The following ITPR2 variants were observed in gnomAD, a reference collection of about 807,000 sequenced individuals.
The protein encoded by ITPR2 is inositol 1,4,5-trisphosphate receptor type 2.
Under a neutral mutation model 317.1 loss-of-function variants are expected in ITPR2, and 207 were observed. That is an observed-to-expected ratio of 0.65 (90% confidence interval 0.58 to 0.73). ITPR2 has a LOEUF of 0.73. Ranked by LOEUF, ITPR2 falls within the 30% of genes least tolerant of loss-of-function variation. The pLI is 0.00. For synonymous variants in ITPR2, 1,156 were observed against 1,149.1 expected (o/e 1.01, Z -0.12); for missense variants, 2,613 against 3,284.0 (o/e 0.80, Z 4.99).
chr12:26,832,543 G>A lies in ITPR2; in HGVS notation c.92+147C>T, dbSNP rs563013289. On this transcript the variant is annotated intron_variant, in intron 1 of 56. Coordinates refer to ENST00000381340, the MANE Select transcript of ITPR2 (RefSeq NM_002223.4). ...CTGCGAGCGGGCGAGCGAGAGAGCG[G>A]AGCGCACGGCGCTGTCCGCGGGCGC... 2,324 of 523,730 alleles carry A rather than the reference G, an allele frequency of 4.4e-3. 18 individuals carry two copies. Among genetic ancestry groups the A allele is most frequent in the Non-Finnish European group, 4.6e-3 (1,405 of 303,400 alleles). The allele number at this position is 523,730 out of a possible 1,614,324, so 32.4% of individuals were successfully genotyped here.
intron 13 of ITPR2, among the ~76,000 whole-genome samples, chr12:26,678,303 A>G (rs1223675544): frequency 6.6e-6 from 1 of 152,120 alleles, no homozygotes; most frequent in East Asian, 1.9e-4. Context: ...GTAGAATAAG[A>G]TTAGAAAATT....
chr12:26,753,420 C>T (rs1299053863), intron 2 of ITPR2, among the ~76,000 whole-genome samples: 1 of 152,102 alleles, frequency 6.6e-6, no homozygotes. Flanking sequence ...TTTTTTCACC[C>T]TAAAAGGGGA....
chr12:26,454,045 CGGAT>C (rs1387149953), intron 45 of ITPR2, among the ~76,000 whole-genome samples: 2 of 151,464 alleles, frequency 1.3e-5, no homozygotes, highest in Middle Eastern at 3.4e-3. Context: ...GATGGATGGA[CGGAT>C]GGATGGATGG....
chr12:26,656,279 AC>A lies in ITPR2; in HGVS notation c.2444+17del. The A allele has an allele frequency of 1.2e-6, 2 of 1,612,642 alleles. No homozygotes were observed. The highest frequency in any genetic ancestry group is 1.7e-6 in the Non-Finnish European group (2 of 1,178,940). The stretch of plus-strand genomic sequence containing the variant: ...ATCTGATGAATTCCAAAGCCTCAAG[AC>A]CTTTTTCCAAACATACTCATGAATT... On this transcript the variant is annotated intron_variant, in intron 19 of 56. Transcript: ENST00000381340.
intron 1 of ITPR2, among the ~76,000 whole-genome samples, chr12:26,818,423 C>T (rs1309843501): frequency 1.3e-5 from 2 of 152,208 alleles, no homozygotes; most frequent in African/African-American, 4.8e-5. Context: ...TAACAGATAA[C>T]AATGACTTCG....
chr12:26,819,544 A>G (rs1410663236), intron 1 of ITPR2, among the ~76,000 whole-genome samples: 1 of 152,176 alleles, frequency 6.6e-6, no homozygotes, highest in Admixed American at 6.5e-5. Flanking sequence ...CTGCATTTTT[A>G]TCAGCAAATT....
At chr12:26,489,108 C>A (rs559605181) in intron 39 of ITPR2, among the ~76,000 whole-genome samples, 1 of 152,024 alleles carries the variant, frequency 6.6e-6, no homozygotes, top group South Asian at 2.1e-4. Flanking sequence ...CTGAACAACA[C>A]GATTTTAAAA....
chr12:26,669,929 T>C (rs958581756), intron 13 of ITPR2, among the ~76,000 whole-genome samples: 6 of 152,224 alleles, frequency 3.9e-5, no homozygotes, highest in African/African-American at 1.2e-4. Flanking sequence ...CCTACGCCCA[T>C]GGGGTCTCGC....
intron 52 of ITPR2, among the ~76,000 whole-genome samples, chr12:26,401,593 A>G (rs2136652892): frequency 6.6e-6 from 1 of 152,342 alleles, no homozygotes; most frequent in African/African-American, 2.4e-5. Context: ...CTGGCAAATG[A>G]CCAGAAATGT....
intron 34 of ITPR2, among the ~76,000 whole-genome samples, chr12:26,567,601 T>C (rs1422801136): frequency 6.6e-6 from 1 of 152,114 alleles, no homozygotes; most frequent in Non-Finnish European, 1.5e-5. Flanking sequence ...GAGAAAAAGA[T>C]TTTTTGAGTC....
intron 37 of ITPR2, among the ~76,000 whole-genome samples, chr12:26,512,030 C>G (rs1296008665): frequency 6.6e-6 from 1 of 152,140 alleles, no homozygotes; most frequent in Non-Finnish European, 1.5e-5. Context: ...TTTCCACCCT[C>G]AGTCAAAAAC....
At chr12:26,343,153 A>C (rs1938192034) in intron 55 of ITPR2, among the ~76,000 whole-genome samples, 1 of 152,118 alleles carries the variant, frequency 6.6e-6, no homozygotes, top group Non-Finnish European at 1.5e-5. Flanking sequence ...TTTTCTTTAT[A>C]AATTACCCAG....
chr12:26,793,790 C>T (rs1042397765), intron 1 of ITPR2, among the ~76,000 whole-genome samples: 8 of 151,900 alleles, frequency 5.3e-5, no homozygotes, highest in Admixed American at 2.6e-4. Context: ...TAATAGGAGA[C>T]GAAAGAGAGA....
At position 26,595,566 on chromosome 12, in the gene ITPR2, C is replaced by T. The variant is rs771311482; in HGVS notation, c.4279G>A (p.Val1427Ile). 3 of 1,588,570 alleles carry T rather than the reference C, an allele frequency of 1.9e-6. No homozygotes were observed. The Admixed American group carries it at 5.7e-5, about 30-fold the overall frequency. The change falls in exon 32 of 57, where the codon GTT becomes ATT. Residue 1427 changes from valine to isoleucine, a missense_variant. Physicochemically the swap from Val to Ile is conservative, Grantham distance 29. This residue lies in a region of ITPR2 where 926 missense variants were observed against 1,072.8 expected (regional missense o/e 0.86). Transcript: ENST00000381340. Reference protein sequence around the residue: ...PEVKIAYVNFVNHCYVDTEVE... With the variant: ...PEVKIAYVNFINHCYVDTEVE... ...TCAGTGTCAACATAACAGTGATTAACAAAGTTCACATAAGCAATTTTAACC... is the reference window on the plus strand; with the variant it reads ...TCAGTGTCAACATAACAGTGATTAATAAAGTTCACATAAGCAATTTTAACC...
rs115584465 is a variant in ITPR2, at chr12:26,613,181, C to A, written c.3462+7942G>T. On this transcript the variant is annotated intron_variant, in intron 26 of 56. Coordinates refer to ENST00000381340, the MANE Select transcript of ITPR2 (RefSeq NM_002223.4). Reference sequence around the variant, plus strand: ...ATGAAAACAACGGGACTGAAATGTACACTTTACACAGCATTTGAAAGAAAG... The same window carrying A: ...ATGAAAACAACGGGACTGAAATGTAAACTTTACACAGCATTTGAAAGAAAG... Among the ~76,000 whole-genome samples, 1,349 of 152,250 alleles carry A rather than the reference C, an allele frequency of 8.9e-3. 19 individuals carry two copies. The highest frequency in any genetic ancestry group is 0.03 in the African/African-American group (1,265 of 41,524).
chr12:26,652,555 T>TAAG lies in ITPR2; in HGVS notation c.2740+1420_2740+1421insCTT, dbSNP rs780163407. 7.0e-3 allele frequency among the ~76,000 whole-genome samples: 1,062 copies of TAAG among 152,324 alleles called. 5 individuals are homozygous for TAAG. The highest frequency in any genetic ancestry group is 0.013 in the Admixed American group (198 of 15,296). On this transcript the variant is annotated intron_variant, in intron 21 of 56. Transcript: ENST00000381340. ...CCCTTTTCAGGGCTGAGGCTCTTAT[T>TAAG]GCCCCAGCTGCTGGGCATTCTTGTT...
chr12:26,547,730 A>T (rs889763781), intron 37 of ITPR2, among the ~76,000 whole-genome samples: 1 of 152,266 alleles, frequency 6.6e-6, no homozygotes, highest in Non-Finnish European at 1.5e-5. Flanking sequence ...CCATAAAAAA[A>T]TGAAATCAGG....
intron 22 of ITPR2, 25 bp from the exon 23 acceptor site, chr12:26,628,187 T>G: frequency 1.9e-6 from 3 of 1,561,724 alleles, no homozygotes; most frequent in Non-Finnish European, 2.6e-6. Flanking sequence ...AAGAACAACA[T>G]AAATTTCTTT....
chr12:26,388,212 A>G (rs544992865), intron 54 of ITPR2, among the ~76,000 whole-genome samples: 1 of 152,212 alleles, frequency 6.6e-6, no homozygotes, highest in East Asian at 1.9e-4. Flanking sequence ...TTGGAAGTAC[A>G]GTAAAGAAAG....
Sources: allele counts gnomAD v4.1 joint callset (sites outside exome capture counted in the v4.1 genomes callset), GRCh38; gene constraint gnomAD v4.1.1; regional missense constraint gnomAD v4.1.1; transcripts MANE v1.5; gene names NCBI Gene and HGNC (gene_info 2026-07-23, HGNC 2026-07-21).